The following DTNA variants were observed in gnomAD, a reference collection of about 807,000 sequenced individuals.
The protein encoded by DTNA is dystrobrevin alpha.
DTNA carries 43 observed loss-of-function variants against 100.7 expected under a neutral mutation model. The ratio of observed to expected loss-of-function variants is 0.43; its 90% CI spans 0.33 to 0.55. The LOEUF is 0.55. Ranked by LOEUF, DTNA falls within the 20% of genes least tolerant of loss-of-function variation. DTNA has a pLI of 0.04. For missense variants in DTNA, 798 were observed against 953.9 expected, an observed-to-expected ratio of 0.84 and a Z score of 2.15; for synonymous variants, 349 against 347.9, an observed-to-expected ratio of 1.00 and a Z score of -0.04.
rs530616656 is a variant in DTNA, at chr18:34,717,570, TA to T, written c.-2+7126del. Among the ~76,000 whole-genome samples the T allele has an allele frequency of 1.2e-3, 179 of 152,260 alleles. 1 individual carries two copies. Among genetic ancestry groups the T allele is most frequent in the African/African-American group, 4.1e-3 (171 of 41,486 alleles). On this transcript the variant is annotated intron_variant, in intron 1 of 22. Coordinates refer to ENST00000444659, the MANE Select transcript of DTNA (RefSeq NM_001386795.1). ...TTTAATGCTCATTCATTTTCTCATT[TA>T]TTTTTTTTAAAAAACCTTATATTGA...
chr18:34,813,299 T>C (rs2095522232), intron 6 of DTNA, among the ~76,000 whole-genome samples: 1 of 151,608 alleles, frequency 6.6e-6, no homozygotes, highest in Admixed American at 6.6e-5. Context: ...AAACCCCATT[T>C]CTACGAAAAA....
chr18:34,776,234 A>G (rs1261181819), intron 3 of DTNA, among the ~76,000 whole-genome samples: 2 of 152,220 alleles, frequency 1.3e-5, no homozygotes, highest in Non-Finnish European at 2.9e-5. Flanking sequence ...AAGGAGCAGG[A>G]TAACAAAGGT....
intron 4 of DTNA, among the ~76,000 whole-genome samples, chr18:34,797,191 T>C (rs1286967862): frequency 6.6e-6 from 1 of 152,180 alleles, no homozygotes; most frequent in Non-Finnish European, 1.5e-5. Flanking sequence ...TTTTGTGACA[T>C]TCCTTTTAAA....
chr18:34,543,449 G>A (rs1455420721), intron 1 of DTNA, among the ~76,000 whole-genome samples: 1 of 152,034 alleles, frequency 6.6e-6, no homozygotes, highest in East Asian at 1.9e-4. Context: ...TTAACACAGT[G>A]CGTTTGTTCT....
At chr18:34,592,926 AAGTTATTCATGCTG>A (rs1300899124) in intron 1 of DTNA, among the ~76,000 whole-genome samples, 1 of 152,224 alleles carries the variant, frequency 6.6e-6, no homozygotes, top group Non-Finnish European at 1.5e-5. Flanking sequence ...TGTACCTGGG[AAGTTATTCATGCTG>A]AGTAACAGTA....
At chr18:34,717,579 TA>T (rs1490013276) in intron 1 of DTNA, among the ~76,000 whole-genome samples, 1 of 151,952 alleles carries the variant, frequency 6.6e-6, no homozygotes, top group Non-Finnish European at 1.5e-5. Context: ...TTATTTTTTT[TA>T]AAAAACCTTA....
Position 34,864,482 on chromosome 18 carries a change from T to C in DTNA, c.1743+420T>C, listed in dbSNP as rs372320555. Among the ~76,000 whole-genome samples the C allele has an allele frequency of 2.0e-4, 31 of 152,110 alleles. No homozygotes were observed. In the East Asian group the frequency reaches 5.4e-3, roughly 27 times the overall value. On this transcript the variant is annotated intron_variant, in intron 17 of 22. Transcript: ENST00000444659. ...GTTAGCCAGGATGGTCTCGATCTCC[T>C]GACCTCGTGATCCGCCCGCCTCGGC...
intron 1 of DTNA, among the ~76,000 whole-genome samples, chr18:34,621,158 A>G (rs143975790): frequency 0.018 from 2,738 of 148,544 alleles, 81 homozygotes; most frequent in African/African-American, 0.063. Context: ...ACAAATATAT[A>G]TTACAAATAA....
chr18:34,800,008 T>A (rs149873920), intron 4 of DTNA, among the ~76,000 whole-genome samples: 261 of 152,334 alleles, frequency 1.7e-3, no homozygotes, highest in African/African-American at 5.8e-3. Context: ...GTTCACAGGT[T>A]AACTTCACTA....
At chr18:34,778,424 T>C (rs1159995882) in intron 3 of DTNA, among the ~76,000 whole-genome samples, 2 of 152,222 alleles carry the variant, frequency 1.3e-5, no homozygotes, top group Non-Finnish European at 2.9e-5. Context: ...GTTAAATGTA[T>C]TCAATGCTTT....
chr18:34,545,535 C>T (rs549488945), intron 1 of DTNA, among the ~76,000 whole-genome samples: 14 of 152,092 alleles, frequency 9.2e-5, no homozygotes, highest in African/African-American at 3.4e-4. Context: ...GAATGCATAA[C>T]TTAAAAAATA....
intron 1 of DTNA, among the ~76,000 whole-genome samples, chr18:34,576,032 A>T (rs1217751891): frequency 6.6e-6 from 1 of 152,192 alleles, no homozygotes; most frequent in Non-Finnish European, 1.5e-5. Context: ...ACATGCCATG[A>T]TGTTCTTTCT....
At chr18:34,507,835 A>T (rs1405552904) in intron 1 of DTNA, among the ~76,000 whole-genome samples, 1 of 152,186 alleles carries the variant, frequency 6.6e-6, no homozygotes, top group Non-Finnish European at 1.5e-5. Context: ...CTACACGCTA[A>T]CGTTGAGAAC....
rs142039432 is a variant in DTNA, at chr18:34,754,460, G to A, written c.-1-1516G>A. On this transcript the variant is annotated intron_variant, in intron 1 of 22. Transcript: ENST00000444659. Reference sequence around the variant, plus strand: ...TAAGCACCTTGAGGACAAGCACTGTGGCTTGATCACTGTAGTGCACTCAGA... The same window carrying A: ...TAAGCACCTTGAGGACAAGCACTGTAGCTTGATCACTGTAGTGCACTCAGA... 3.4e-3 allele frequency among the ~76,000 whole-genome samples: 521 copies of A among 152,214 alleles called. 2 individuals are homozygous for A. The highest frequency in any genetic ancestry group is 6.1e-3 in the Non-Finnish European group (412 of 68,008).
intron 7 of DTNA, among the ~76,000 whole-genome samples, chr18:34,817,758 C>A (rs2095628442): frequency 6.6e-6 from 1 of 152,106 alleles, no homozygotes; most frequent in African/African-American, 2.4e-5. Context: ...CGCTCTCTTC[C>A]CACTGGACAA....
At chr18:34,762,824 T>C (rs1331090845) in intron 2 of DTNA, among the ~76,000 whole-genome samples, 1 of 152,200 alleles carries the variant, frequency 6.6e-6, no homozygotes, top group Non-Finnish European at 1.5e-5. Context: ...CCTACAGACC[T>C]CTTCCTGATT....
intron 1 of DTNA, among the ~76,000 whole-genome samples, chr18:34,753,361 A>ATTTTTTTTTTTTTTTTTTTTTTTTTT (rs751756097): frequency 1.0e-5 from 1 of 96,890 alleles, no homozygotes; most frequent in African/African-American, 5.3e-5. Context: ...TTATTTATTT[A>ATTTTTTTTTTTTTTTTTTTTTTTTTT]TTTTATTTTT....
At chr18:34,723,795 AG>A (rs755264605) in intron 1 of DTNA, among the ~76,000 whole-genome samples, 2 of 152,120 alleles carry the variant, frequency 1.3e-5, no homozygotes, top group Non-Finnish European at 2.9e-5. Context: ...GCTACTCAGG[AG>A]GCTGAGACAG....
At chr18:34,663,697 G>GA (rs1331444953) in intron 1 of DTNA, among the ~76,000 whole-genome samples, 1 of 151,934 alleles carries the variant, frequency 6.6e-6, no homozygotes, top group Non-Finnish European at 1.5e-5. Context: ...CTTGTCACCA[G>GA]AAAAAACAAC....
Sources: allele counts gnomAD v4.1 joint callset (sites outside exome capture counted in the v4.1 genomes callset), GRCh38; gene constraint gnomAD v4.1.1; transcripts MANE v1.5; gene names NCBI Gene and HGNC (gene_info 2026-07-23, HGNC 2026-07-21).